Variants in NUP188 observed in about 807,000 individuals in gnomAD.
NUP188 encodes the protein nucleoporin NUP188.
Under a neutral mutation model 223.0 loss-of-function variants are expected in NUP188, and 97 were observed. The observed-to-expected ratio is 0.43, with a 90% CI of 0.37 to 0.51. The LOEUF (loss-of-function observed/expected upper bound fraction) is 0.51. NUP188 is among the 20% of genes least tolerant of loss of function. The pLI, the probability that NUP188 is intolerant of heterozygous loss-of-function variation, is 0.00. For synonymous variants in NUP188, 869 were observed against 828.0 expected (o/e 1.05, Z -0.85); for missense variants, 1,947 against 2,175.6 (o/e 0.89, Z 2.09).
Position 128,986,569 on chromosome 9 carries a change from T to C in NUP188, c.2088T>C (p.Gly696=). 6.2e-7 allele frequency: 1 copy of C among 1,613,854 alleles called. No homozygotes were observed. Among genetic ancestry groups the C allele is most frequent in the Admixed American group, 1.7e-5 (1 of 59,946 alleles). ...ATGGTTTCTTGTAGGGGCAACTTGG[T>C]AGTACCCAGAGCCAAGGACTTGTAC... ...LITTLVKGQL[G]STQSQGLVPC... The change falls in exon 21 of 44, where the codon GGT becomes GGC. Residue 696 remains glycine, a synonymous_variant. Coordinates refer to ENST00000372577, the MANE Select transcript of NUP188 (RefSeq NM_015354.3).
Position 128,959,108 on chromosome 9 carries a change from A to G in NUP188, c.559A>G (p.Thr187Ala), listed in dbSNP as rs983298507. The G allele has an allele frequency of 1.2e-6, 2 of 1,600,454 alleles. No individual in the cohort carries two copies. Among genetic ancestry groups the G allele is most frequent in the Non-Finnish European group, 8.5e-7 (1 of 1,173,116 alleles). Reference protein sequence around the residue: ...FEELYKTEAPTWETHGNLMTE... With the variant: ...FEELYKTEAPAWETHGNLMTE... ...AGAGCTTTATAAAACTGAAGCACCA[A>G]CTTGGGAGACACATGGAAATCTCAT... Residue 187 changes from threonine to alanine, a missense_variant, in exon 8 of 44, where the codon ACT becomes GCT. Around this residue, in one of 3 missense-constraint regions of NUP188, gnomAD observed 817 missense variants for 865.8 expected, o/e 0.94. Coordinates refer to ENST00000372577, the MANE Select transcript of NUP188 (RefSeq NM_015354.3).
At chr9:129,006,183 A>G in intron 42 of NUP188, 56 bp from the exon 43 acceptor site, 1 of 1,614,116 alleles carries the variant, frequency 6.2e-7, no homozygotes, top group South Asian at 1.1e-5. Context: ...CACTGTTCTC[A>G]AGCTTGGCCA....
At chr9:128,975,226 CTTT>C (rs540828761) in intron 12 of NUP188, among the ~76,000 whole-genome samples, 3 of 131,856 alleles carry the variant, frequency 2.3e-5, no homozygotes, top group South Asian at 2.4e-4. Flanking sequence ...TTTTCTTTTC[CTTT>C]TTTTTTTTTT....
intron 12 of NUP188, among the ~76,000 whole-genome samples, chr9:128,977,346 C>G (rs994670731): frequency 6.6e-6 from 1 of 151,832 alleles, no homozygotes; most frequent in Non-Finnish European, 1.5e-5. Flanking sequence ...GTCTCGATCT[C>G]CTGACCTTGT....
At chr9:128,963,791 C>T (rs1188795752) in intron 8 of NUP188, among the ~76,000 whole-genome samples, 1 of 150,828 alleles carries the variant, frequency 6.6e-6, no homozygotes, top group Admixed American at 6.6e-5. Flanking sequence ...CAGGCATATG[C>T]CACCATGCCT....
chr9:128,975,010 C>G (rs1423113056), intron 12 of NUP188, among the ~76,000 whole-genome samples: 1 of 151,970 alleles, frequency 6.6e-6, no homozygotes, highest in African/African-American at 2.4e-5. Context: ...ATCCCACTGC[C>G]TCCACCTCCC....
chr9:128,987,102 T>G (rs1461272292), intron 22 of NUP188, among the ~76,000 whole-genome samples: 1 of 150,822 alleles, frequency 6.6e-6, no homozygotes, highest in Non-Finnish European at 1.5e-5. Flanking sequence ...TGTGTGTGTG[T>G]GTGTGTGTGT....
rs568753515 is a variant in NUP188, at chr9:129,001,205, G to A, written c.3844-324G>A. Among the ~76,000 whole-genome samples the A allele has an allele frequency of 2.0e-5, 3 of 152,214 alleles. No homozygotes were observed. The East Asian group carries it at 5.8e-4, about 29-fold the overall frequency. ...CGTAGGGGTCCCTCAGACTCCATGT[G>A]GCAGAGTTGGTTGGAGTGTCCAACA... On this transcript the variant is annotated intron_variant, in intron 34 of 43. Coordinates refer to ENST00000372577, the MANE Select transcript of NUP188 (RefSeq NM_015354.3).
intron 1 of NUP188, chr9:128,948,122 A>AC (rs904665137): frequency 2.0e-5 from 4 of 196,048 alleles, no homozygotes; most frequent in Non-Finnish European, 3.1e-5. Flanking sequence ...CTCCTGGGGT[A>AC]CCCCCCACCC....
At chr9:128,961,189 G>A (rs192216158) in intron 8 of NUP188, among the ~76,000 whole-genome samples, 4 of 151,464 alleles carry the variant, frequency 2.6e-5, no homozygotes, top group Admixed American at 1.3e-4. Flanking sequence ...AATTAGCTGA[G>A]CATGGTGGTG....
intron 30 of NUP188, among the ~76,000 whole-genome samples, chr9:128,996,695 C>T (rs531087265): frequency 6.6e-6 from 1 of 152,212 alleles, no homozygotes; most frequent in East Asian, 1.9e-4. Context: ...AGGGTATAAC[C>T]TTTATGTCAC....
chr9:128,952,850 T>C lies in NUP188; in HGVS notation c.161+4T>C. 1 of 1,612,014 alleles carries C rather than the reference T, an allele frequency of 6.2e-7. No homozygotes were observed. Among genetic ancestry groups the C allele is most frequent in the South Asian group, 1.1e-5 (1 of 91,034 alleles). ...TTTCTTACTACAAACCTCCCAGGTA[T>C]GGCAGTTCCGGGTGTCTGGTTAAAG... is the stretch of plus-strand genomic sequence containing the variant. On this transcript the variant is annotated splice_donor_region_variant and intron_variant, in intron 3 of 43. Coordinates refer to ENST00000372577, the MANE Select transcript of NUP188 (RefSeq NM_015354.3).
intron 2 of NUP188, among the ~76,000 whole-genome samples, chr9:128,949,686 C>T (rs1436197164): frequency 6.6e-6 from 1 of 150,736 alleles, no homozygotes; most frequent in Non-Finnish European, 1.5e-5. Context: ...TGGAGTGTAA[C>T]AGCATGATCC....
chr9:129,005,433 T>C lies in NUP188; in HGVS notation c.4640T>C (p.Leu1547Ser). Reference protein sequence around the residue: ...ADTEASEQQALHTVQYGLLKI... With the variant: ...ADTEASEQQASHTVQYGLLKI... ...ACAGAGGCATCAGAGCAGCAGGCCTTGCACACAGTCCAGTATGGCCTTCTC... is the reference window on the plus strand; with the variant it reads ...ACAGAGGCATCAGAGCAGCAGGCCTCGCACACAGTCCAGTATGGCCTTCTC... Residue 1547 changes from leucine to serine, a missense_variant, in exon 40 of 44, where the codon TTG becomes TCG. Physicochemically the swap from Leu to Ser is moderately radical, Grantham distance 145 (BLOSUM62 -2). This residue lies in a region of NUP188 where 905 missense variants were observed against 990.6 expected (regional missense o/e 0.91). Transcript: ENST00000372577. The C allele has an allele frequency of 6.2e-7, 1 of 1,609,300 alleles. No individual in the cohort carries two copies. Among genetic ancestry groups the C allele is most frequent in the Non-Finnish European group, 8.5e-7 (1 of 1,180,016 alleles).
chr9:128,977,182 C>T lies in NUP188; in HGVS notation c.1204-2080C>T, dbSNP rs961879348. On this transcript the variant is annotated intron_variant, in intron 12 of 43. Coordinates refer to ENST00000372577, the MANE Select transcript of NUP188 (RefSeq NM_015354.3). ...TCACCCAGGCTGGAGTGCAGTGGCG[C>T]GATCTCGGCTCACTGCAAGCTCCGC... is the stretch of plus-strand genomic sequence containing the variant. Among the ~76,000 whole-genome samples the T allele has an allele frequency of 3.4e-5, 5 of 149,238 alleles. No individual in the cohort carries two copies. In the South Asian group the frequency reaches 6.3e-4, roughly 19 times the overall value.
chr9:128,953,643 A>G (rs1393923901), intron 3 of NUP188, among the ~76,000 whole-genome samples: 2 of 152,182 alleles, frequency 1.3e-5, no homozygotes, highest in African/African-American at 2.4e-5. Flanking sequence ...ATACTTGACT[A>G]TGTATCTAAA....
At position 129,006,320 on chromosome 9, in the gene NUP188, G is replaced by C. The variant is rs757545380; in HGVS notation, c.5025G>C (p.Val1675=). ...TGCGGTACCTTAGGGACCCGGCTGT[G>C]CACCCCCGGGACAAACAGCGGATGA... ...QAMRYLRDPA[V]HPRDKQRMKQ... is the part of the protein sequence containing the mutation. Residue 1675 remains valine, a synonymous_variant, in exon 43 of 44, where the codon GTG becomes GTC. Coordinates refer to ENST00000372577, the MANE Select transcript of NUP188 (RefSeq NM_015354.3). 23 of 1,614,070 alleles carry C rather than the reference G, an allele frequency of 1.4e-5. No homozygotes were observed. The Admixed American group carries it at 3.8e-4, about 27-fold the overall frequency.
intron 2 of NUP188, 48 bp from the exon 3 acceptor site, chr9:128,952,725 A>AC (rs1481070525): frequency 7.1e-7 from 1 of 1,407,822 alleles, no homozygotes; most frequent in South Asian, 1.3e-5. Context: ...TCTGTCTCAA[A>AC]AAAAAAAAAA....
intron 3 of NUP188, among the ~76,000 whole-genome samples, chr9:128,953,937 C>T (rs17432874): frequency 1.1e-3 from 164 of 151,836 alleles, no homozygotes; most frequent in Non-Finnish European, 1.8e-3. Context: ...TCAAGTGATT[C>T]GCTTGCCTTG....
Sources: gnomAD v4.1 joint callset for allele counts (sites outside exome capture counted in the v4.1 genomes callset) on GRCh38, gnomAD v4.1.1 for gene constraint, gnomAD v4.1.1 regional missense constraint, MANE v1.5 for transcripts, NCBI Gene and HGNC (gene_info 2026-07-23, HGNC 2026-07-21) for gene names.